Variants in ZNF451 observed in about 807,000 individuals in gnomAD.
The protein encoded by ZNF451 is E3 SUMO-protein ligase ZNF451.
In ZNF451, 80 loss-of-function variants were observed where a neutral mutation model predicts 107.1. The ratio of observed to expected loss-of-function variants is 0.75; its 90% confidence interval spans 0.62 to 0.90. The LOEUF is 0.90. ZNF451 is among the 40% of genes least tolerant of loss of function. The probability of loss-of-function intolerance (pLI) is 0.00; values close to 1 mark genes in which losing one functional copy is unlikely to be tolerated. For synonymous variants in ZNF451, 362 were observed against 406.5 expected (o/e 0.89, Z 1.32); for missense variants, 1,107 against 1,236.2 (o/e 0.90, Z 1.57).
intron 3 of ZNF451, chr6:57,104,419 A>G: frequency 2.0e-6 from 2 of 985,304 alleles, no homozygotes; most frequent in South Asian, 9.4e-5. Context: ...TTCACTTTCC[A>G]TTTGTCCCCT....
At chr6:57,167,683 T>C (rs1763957774) in intron 14 of ZNF451, among the ~76,000 whole-genome samples, 1 of 152,138 alleles carries the variant, frequency 6.6e-6, no homozygotes, top group Non-Finnish European at 1.5e-5. Context: ...GAGATAAATC[T>C]GGTGTGAGAA....
intron 3 of ZNF451, chr6:57,124,532 T>C (rs1830826641): frequency 1.4e-6 from 1 of 703,414 alleles, no homozygotes. Context: ...TAGCAGCTCA[T>C]TTGTCTAACT....
intron 13 of ZNF451, 80 bp downstream of exon 13, chr6:57,154,127 G>A (rs770723177): frequency 3.6e-6 from 5 of 1,378,724 alleles, no homozygotes; most frequent in South Asian, 1.2e-5. Flanking sequence ...ACTGCTGTCC[G>A]CTAGTGAACT....
intron 3 of ZNF451, among the ~76,000 whole-genome samples, chr6:57,099,972 C>G (rs1193677419): frequency 1.3e-5 from 2 of 152,156 alleles, no homozygotes; most frequent in Non-Finnish European, 2.9e-5. Context: ...ACCTTTTAGC[C>G]TCCGTTTTTT....
At chr6:57,167,053 AT>A (rs982546686) in intron 14 of ZNF451, among the ~76,000 whole-genome samples, 1 of 152,062 alleles carries the variant, frequency 6.6e-6, no homozygotes, top group Non-Finnish European at 1.5e-5. Context: ...TTGATTTATG[AT>A]TTTTTTACTT....
intron 10 of ZNF451, 149 bp downstream of exon 10, chr6:57,148,842 CCTA>C (rs1832216258): frequency 1.0e-5 from 7 of 668,650 alleles, no homozygotes; most frequent in Admixed American, 3.4e-5. Context: ...GGTTTGTATT[CCTA>C]CTACTACATT....
At chr6:57,160,304 CCT>C (rs1038500796) in intron 13 of ZNF451, among the ~76,000 whole-genome samples, 154 of 152,106 alleles carry the variant, frequency 1.0e-3, no homozygotes, top group African/African-American at 3.1e-3. Flanking sequence ...CCTCCCCTCC[CCT>C]GTCTTTTCTT....
intron 3 of ZNF451, among the ~76,000 whole-genome samples, chr6:57,111,884 A>G (rs1830133458): frequency 6.6e-6 from 1 of 152,194 alleles, no homozygotes; most frequent in African/African-American, 2.4e-5. Context: ...AGAATGGAGT[A>G]TATCTATATG....
chr6:57,153,368 TG>T (rs1227177807), intron 12 of ZNF451, among the ~76,000 whole-genome samples: 1 of 152,030 alleles, frequency 6.6e-6, no homozygotes. Context: ...TGATTAAATG[TG>T]GGGTATTTCA....
chr6:57,160,724 G>A (rs1472055904), intron 13 of ZNF451: 1 of 163,474 alleles, frequency 6.1e-6, no homozygotes, highest in South Asian at 2.0e-4. Context: ...CAAATTTTAA[G>A]TGAGTTTTGC....
At chr6:57,144,097 C>A (rs1831928529) in intron 9 of ZNF451, among the ~76,000 whole-genome samples, 1 of 151,876 alleles carries the variant, frequency 6.6e-6, no homozygotes, top group Non-Finnish European at 1.5e-5. Context: ...AGCTAAAGGG[C>A]ATGGGTTTTC....
At chr6:57,145,323 A>G (rs1832009157) in intron 9 of ZNF451, among the ~76,000 whole-genome samples, 1 of 152,172 alleles carries the variant, frequency 6.6e-6, no homozygotes, top group South Asian at 2.1e-4. Context: ...TTATAGATTC[A>G]GGGGGTACGA....
intron 3 of ZNF451, among the ~76,000 whole-genome samples, chr6:57,112,212 A>G (rs777800146): frequency 2.6e-5 from 4 of 152,178 alleles, no homozygotes; most frequent in Admixed American, 6.5e-5. Flanking sequence ...GGGTGGTGCA[A>G]ACTTCAGACC....
intron 13 of ZNF451, among the ~76,000 whole-genome samples, chr6:57,154,868 C>T (rs1042708299): frequency 6.6e-6 from 1 of 151,910 alleles, no homozygotes; most frequent in Non-Finnish European, 1.5e-5. Context: ...GCCTTTAAAG[C>T]TTTCAAGTCT....
intron 13 of ZNF451, among the ~76,000 whole-genome samples, chr6:57,157,641 C>T (rs986991686): frequency 2.0e-5 from 3 of 152,058 alleles, no homozygotes; most frequent in African/African-American, 7.2e-5. Flanking sequence ...AATTTCTGCC[C>T]CCACCTTGGT....
At chr6:57,107,199 T>G (rs1009063631) in intron 3 of ZNF451, 2 of 985,410 alleles carry the variant, frequency 2.0e-6, no homozygotes, top group African/African-American at 3.5e-5. Context: ...ATTCTATGTA[T>G]TGATCTTTTC....
intron 3 of ZNF451, chr6:57,107,780 C>G: frequency 1.0e-6 from 1 of 983,434 alleles, no homozygotes. Flanking sequence ...GTACTGTTTT[C>G]TAGTATTCCT....
At chr6:57,103,170 A>G (rs1459168137) in intron 3 of ZNF451, 1 of 985,336 alleles carries the variant, frequency 1.0e-6, no homozygotes, top group Admixed American at 6.1e-5. Context: ...AACATGCCTG[A>G]CAATCTTGTC....
At chr6:57,115,336 A>T (rs908371347) in intron 3 of ZNF451, 15 of 152,206 alleles carry the variant, frequency 9.9e-5, no homozygotes, top group Non-Finnish European at 1.9e-4. Flanking sequence ...TAAGTTTAAC[A>T]TTATCATTTC....
Sources: gnomAD v4.1 joint callset for allele counts (sites outside exome capture counted in the v4.1 genomes callset) on GRCh38, gnomAD v4.1.1 for gene constraint, MANE v1.5 for transcripts, NCBI Gene and HGNC (gene_info 2026-07-23, HGNC 2026-07-21) for gene names.